The following LTBP1 variants were observed in gnomAD, a reference collection of about 807,000 sequenced individuals.
The protein encoded by LTBP1 is latent-transforming growth factor beta-binding protein 1.
In LTBP1, 129 loss-of-function variants were observed where a neutral mutation model predicts 207.6. That is an observed-to-expected ratio of 0.62 (90% confidence interval 0.54 to 0.72). The LOEUF (loss-of-function observed/expected upper bound fraction) is 0.72. LTBP1 is among the 30% of genes least tolerant of loss of function. The pLI is 0.00. For synonymous variants in LTBP1, 963 were observed against 833.7 expected, an observed-to-expected ratio of 1.16 and a Z score of -2.67; for missense variants, 2,281 against 2,217.2, an observed-to-expected ratio of 1.03 and a Z score of -0.58.
chr2:33,147,593 C>T (rs933970874), intron 5 of LTBP1, among the ~76,000 whole-genome samples: 6 of 152,208 alleles, frequency 3.9e-5, no homozygotes, highest in African/African-American at 1.2e-4. Context: ...ACCATATCAT[C>T]AAATATGTTA....
chr2:33,176,683 G>A (rs1258811929), intron 5 of LTBP1, among the ~76,000 whole-genome samples: 1 of 152,096 alleles, frequency 6.6e-6, no homozygotes, highest in Non-Finnish European at 1.5e-5. Flanking sequence ...TATAGTGCAC[G>A]ACCTGACCAG....
At chr2:33,143,469 C>G (rs1387157697) in intron 5 of LTBP1, among the ~76,000 whole-genome samples, 1 of 152,106 alleles carries the variant, frequency 6.6e-6, no homozygotes, top group Admixed American at 6.5e-5. Flanking sequence ...CAAGTAAAAT[C>G]ACAGAAGTAA....
chr2:33,259,682 AT>A, intron 13 of LTBP1, 72 bp downstream of exon 13: 4 of 1,415,374 alleles, frequency 2.8e-6, no homozygotes, highest in South Asian at 2.5e-5. Flanking sequence ...ATATGTATGG[AT>A]TTTTTAGACT....
In LTBP1 at chr2:33,098,629, G is replaced by A. The variant is rs1340700347; in HGVS notation, c.864-11953G>A. Among the ~76,000 whole-genome samples the A allele has an allele frequency of 5.3e-5, 8 of 151,778 alleles. No homozygotes were observed. In the South Asian group the frequency reaches 8.3e-4, roughly 16 times the overall value. On this transcript the variant is annotated intron_variant, in intron 3 of 33. Coordinates refer to ENST00000404816, the MANE Select transcript of LTBP1 (RefSeq NM_206943.4). ...GTATTTTTTTTTTTTAAGTAGAGAC[G>A]GTGTTTCACCTGTTGGCCAGGCTGG...
chr2:33,283,390 A>G (rs902636373), intron 19 of LTBP1, among the ~76,000 whole-genome samples: 2 of 148,016 alleles, frequency 1.4e-5, no homozygotes, highest in African/African-American at 5.0e-5. Flanking sequence ...TTTTTGCCCC[A>G]ATTGTTAATG....
At chr2:33,385,693 T>C (rs1265328079) in intron 31 of LTBP1, among the ~76,000 whole-genome samples, 1 of 152,186 alleles carries the variant, frequency 6.6e-6, no homozygotes, top group East Asian at 1.9e-4. Flanking sequence ...TTCTTCCCAT[T>C]ACCCCACGAT....
At chr2:32,950,099 A>G (rs993185545) in intron 2 of LTBP1, among the ~76,000 whole-genome samples, 3 of 152,174 alleles carry the variant, frequency 2.0e-5, no homozygotes, top group Admixed American at 6.5e-5. Flanking sequence ...ATGTGTTAGC[A>G]TTTGTTTAGA....
chr2:33,169,207 T>A (rs989203233), intron 5 of LTBP1, among the ~76,000 whole-genome samples: 1 of 152,216 alleles, frequency 6.6e-6, no homozygotes, highest in African/African-American at 2.4e-5. Flanking sequence ...GGGGAACGTT[T>A]CTCTGCTTTT....
Position 33,280,050 on chromosome 2 carries a change from TG to T in LTBP1, c.3005del (p.Cys1002PhefsTer2). The T allele has an allele frequency of 2.5e-6, 4 of 1,613,970 alleles. No homozygotes were observed. The highest frequency in any genetic ancestry group is 3.4e-6 in the Non-Finnish European group (4 of 1,179,950). ...TTTTGATTTTTCAGATATTGATGAA[TG>T]TTTGAATCCAAGCACTTGTCCAGAT... ...QRGRCEDIDE[C>X]LNPSTCPDEQ... On this transcript the variant is annotated frameshift_variant, in exon 19 of 34. Transcript: ENST00000404816. LOFTEE classifies it high-confidence loss of function.
At chr2:33,224,784 T>C (rs2091337444) in intron 9 of LTBP1, among the ~76,000 whole-genome samples, 1 of 152,210 alleles carries the variant, frequency 6.6e-6, no homozygotes, top group Non-Finnish European at 1.5e-5. Flanking sequence ...GTTATATTGC[T>C]ACCTGTGCTA....
chr2:33,339,434 A>G (rs1185844168), intron 24 of LTBP1, among the ~76,000 whole-genome samples: 1 of 152,134 alleles, frequency 6.6e-6, no homozygotes, highest in Non-Finnish European at 1.5e-5. Flanking sequence ...TCTTTGATGT[A>G]CGCCCATCTC....
intron 6 of LTBP1, 149 bp downstream of exon 6, chr2:33,187,229 A>G: frequency 1.6e-6 from 1 of 644,294 alleles, no homozygotes; most frequent in Non-Finnish European, 2.7e-6. Flanking sequence ...TAGAGACAGA[A>G]TGTGGGCCCA....
At chr2:33,221,283 A>T (rs1481003049) in intron 8 of LTBP1, among the ~76,000 whole-genome samples, 2 of 152,182 alleles carry the variant, frequency 1.3e-5, no homozygotes, top group Non-Finnish European at 2.9e-5. Context: ...CTCATTGTAT[A>T]GAATTTCTGT....
chr2:33,001,529 GAGT>G (rs1166321616), intron 2 of LTBP1, among the ~76,000 whole-genome samples: 1 of 135,050 alleles, frequency 7.4e-6, no homozygotes, highest in African/African-American at 2.6e-5. Context: ...TTTTCTCACT[GAGT>G]AGTTCCTCCT....
At chr2:33,002,296 G>A (rs1686151931) in intron 2 of LTBP1, among the ~76,000 whole-genome samples, 1 of 152,220 alleles carries the variant, frequency 6.6e-6, no homozygotes, top group African/African-American at 2.4e-5. Context: ...GAGTTAATAA[G>A]GTGGTTACAT....
At chr2:33,061,364 G>A (rs1229633718) in intron 3 of LTBP1, 2 of 152,080 alleles carry the variant, frequency 1.3e-5, no homozygotes, top group Non-Finnish European at 2.9e-5. Flanking sequence ...GTACTGAAAT[G>A]TACAAATCTT....
intron 25 of LTBP1, 59 bp downstream of exon 25, chr2:33,343,022 A>G (rs555268751): frequency 1.9e-5 from 30 of 1,549,156 alleles, no homozygotes; most frequent in Non-Finnish European, 2.5e-5. Context: ...AAGAAATCAC[A>G]GTGAACAACA....
chr2:33,037,680 T>C (rs893159744), intron 3 of LTBP1, among the ~76,000 whole-genome samples: 1 of 152,206 alleles, frequency 6.6e-6, no homozygotes, highest in Non-Finnish European at 1.5e-5. Context: ...GAGTATTCAT[T>C]GGAATTTTAT....
intron 2 of LTBP1, among the ~76,000 whole-genome samples, chr2:32,971,844 C>A (rs1361864355): frequency 6.6e-6 from 1 of 152,012 alleles, no homozygotes; most frequent in Non-Finnish European, 1.5e-5. Flanking sequence ...AGTTCCTTCT[C>A]AATTTTTTGG....
Sources: gnomAD v4.1 joint callset for allele counts (sites outside exome capture counted in the v4.1 genomes callset) on GRCh38, gnomAD v4.1.1 for gene constraint, MANE v1.5 for transcripts, NCBI Gene and HGNC (gene_info 2026-07-23, HGNC 2026-07-21) for gene names.